MRPS35: variants seen among roughly 807,000 people sequenced by gnomAD.
The protein encoded by MRPS35 is mitochondrial ribosomal protein S35.
In MRPS35, 29 loss-of-function variants were observed where a neutral mutation model predicts 32.7. That is an observed-to-expected ratio of 0.89 (90% CI 0.66 to 1.21). The LOEUF is 1.21. Among genes scored for constraint, MRPS35 ranks in the 50% most tolerant of loss-of-function variants. The pLI is 0.00. For missense variants in MRPS35, 373 were observed against 383.8 expected (o/e 0.97, Z 0.23); for synonymous variants, 148 against 139.3 (o/e 1.06, Z -0.44).
chr12:27,732,664 A>T (rs1037135999), intron 5 of MRPS35, among the ~76,000 whole-genome samples: 1 of 152,190 alleles, frequency 6.6e-6, no homozygotes, highest in African/African-American at 2.4e-5. Context: ...AGAAAAAAAA[A>T]TTTTGATAGT....
chr12:27,749,070 G>A (rs1191891057), intron 7 of MRPS35, among the ~76,000 whole-genome samples: 2 of 152,102 alleles, frequency 1.3e-5, no homozygotes, highest in Non-Finnish European at 2.9e-5. Context: ...TTTAAAAAAC[G>A]GATTTAAGAT....
intron 7 of MRPS35, among the ~76,000 whole-genome samples, chr12:27,752,587 G>A (rs898694502): frequency 2.6e-5 from 4 of 152,050 alleles, no homozygotes; most frequent in Non-Finnish European, 5.9e-5. Flanking sequence ...TGTATTTGTC[G>A]GTTTTTTAGA....
At chr12:27,726,263 A>G (rs1290634606) in intron 5 of MRPS35, among the ~76,000 whole-genome samples, 6 of 152,062 alleles carry the variant, frequency 3.9e-5, no homozygotes, top group Non-Finnish European at 8.8e-5. Context: ...GAACCATGCA[A>G]TATGTTTTCT....
Position 27,735,572 on chromosome 12 carries a change from T to C in MRPS35, c.632+16T>C. ...AAACAGATAGGTAATGGAAAAAATG[T>C]TCAGCCGACTGGTCACGTGTGTTTC... On this transcript the variant is annotated intron_variant, in intron 6 of 7. Coordinates refer to ENST00000081029, the MANE Select transcript of MRPS35 (RefSeq NM_021821.4). 6.4e-7 allele frequency: 1 copy of C among 1,566,176 alleles called. No individual in the cohort carries two copies. The highest frequency in any genetic ancestry group is 8.8e-7 in the Non-Finnish European group (1 of 1,139,250).
chr12:27,714,946 G>C, intron 2 of MRPS35, 126 bp downstream of exon 2: 2 of 752,756 alleles, frequency 2.7e-6, no homozygotes, highest in African/African-American at 1.8e-5. Context: ...CTGGGTGATT[G>C]CCATAGCCCT....
In MRPS35 at chr12:27,719,790, T is replaced by C. The variant is rs1178932669; in HGVS notation, c.322-18T>C. ...TAAGACATTTAGCTAATTTATCTTT[T>C]AAATTTCTCTATTTAAGATTCCCAA... On this transcript the variant is annotated intron_variant, in intron 3 of 7. Transcript: ENST00000081029. The C allele has an allele frequency of 6.6e-7, 1 of 1,520,084 alleles. No individual in the cohort carries two copies. The highest frequency in any genetic ancestry group is 2.3e-5 in the East Asian group (1 of 44,336). 94.2% of individuals were successfully genotyped at this position (1,520,084 alleles called of 1,614,324 possible). A position where few individuals can be genotyped will look rare whatever the true frequency, so the allele number is the denominator to read the frequency against.
intron 3 of MRPS35, among the ~76,000 whole-genome samples, chr12:27,719,283 G>A (rs1400758210): frequency 6.6e-6 from 1 of 152,108 alleles, no homozygotes; most frequent in African/African-American, 2.4e-5. Flanking sequence ...GACAAATCCA[G>A]GTATCACTGT....
chr12:27,754,428 A>G (rs1482072900), intron 7 of MRPS35, among the ~76,000 whole-genome samples: 4 of 152,150 alleles, frequency 2.6e-5, no homozygotes, highest in African/African-American at 9.7e-5. Context: ...ATTTTTAATA[A>G]TGATCTCCTT....
intron 7 of MRPS35, among the ~76,000 whole-genome samples, chr12:27,748,998 A>T (rs949989815): frequency 6.6e-6 from 1 of 152,190 alleles, no homozygotes; most frequent in Admixed American, 6.5e-5. Flanking sequence ...TTTGAAAAGG[A>T]ATTGATAGTG....
chr12:27,715,539 G>A (rs967878982), intron 2 of MRPS35, among the ~76,000 whole-genome samples: 1 of 152,200 alleles, frequency 6.6e-6, no homozygotes, highest in African/African-American at 2.4e-5. Flanking sequence ...GAATCTAAAC[G>A]ATAAGGTCAG....
In MRPS35 at chr12:27,755,362, C is replaced by T. The variant is rs750906104; in HGVS notation, c.884C>T (p.Ser295Phe). 5.6e-6 allele frequency: 9 copies of T among 1,607,122 alleles called. No homozygotes were observed. The highest frequency in any genetic ancestry group is 2.7e-5 in the African/African-American group (2 of 74,390). ...AAAGAAATTGAAGAGTACAAAAAGT[C>T]TGTTGTTAGTCTTAAAAATGAGGAG... ...GTKEIEEYKK[S>F]VVSLKNEEEN... Residue 295 changes from serine (S) to phenylalanine (F), a missense_variant, in exon 8 of 8, where the codon TCT (serine) becomes TTT (phenylalanine). Physicochemically the swap from Ser to Phe is radical, Grantham distance 155. Transcript: ENST00000081029.
At position 27,755,291 on chromosome 12, in the gene MRPS35, T is replaced by A; in HGVS notation, c.813T>A (p.Ala271=). ...NILETLLQMK[A]AEKNMEINKE... ...TGGAAACGCTTCTCCAGATGAAAGCTGCTGAGAAAAATATGGAAATAAATA... is the reference window on the plus strand; with the variant it reads ...TGGAAACGCTTCTCCAGATGAAAGCAGCTGAGAAAAATATGGAAATAAATA... Residue 271 remains alanine, a synonymous_variant, in exon 8 of 8, where the codon GCT becomes GCA. Coordinates refer to ENST00000081029, the MANE Select transcript of MRPS35 (RefSeq NM_021821.4). 1 of 1,613,096 alleles carries A rather than the reference T, an allele frequency of 6.2e-7. No homozygotes were observed. The highest frequency in any genetic ancestry group is 2.2e-5 in the East Asian group (1 of 44,806).
chr12:27,714,653 A>T (rs879067094), intron 1 of MRPS35, 127 bp from the exon 2 acceptor site: 56 of 578,790 alleles, frequency 9.7e-5, no homozygotes, highest in Non-Finnish European at 1.5e-4. Flanking sequence ...AAAAAAAAAG[A>T]TTGTTTCATT....
intron 7 of MRPS35, among the ~76,000 whole-genome samples, chr12:27,751,124 A>AAAAAAAAAAAAAAAAAAAAAAG (rs71679053): frequency 6.8e-6 from 1 of 147,382 alleles, no homozygotes; most frequent in East Asian, 2.1e-4. Flanking sequence ...AAAAAAAAAA[A>AAAAAAAAAAAAAAAAAAAAAAG]AAGAAAAGAA....
chr12:27,728,467 G>A (rs1019114503), intron 5 of MRPS35, among the ~76,000 whole-genome samples: 1 of 152,058 alleles, frequency 6.6e-6, no homozygotes, highest in African/African-American at 2.4e-5. Flanking sequence ...ATACTTCAGT[G>A]TGTTATCTCT....
Position 27,719,666 on chromosome 12 carries a change from C to T in MRPS35, c.322-142C>T, listed in dbSNP as rs552141313. The stretch of plus-strand genomic sequence containing the variant: ...CCGGCCTGGGCGACAGAGCGAGACT[C>T]TGTCTCAAAAAAAAAAAAAAACAAA... On this transcript the variant is annotated intron_variant, in intron 3 of 7. Coordinates refer to ENST00000081029, the MANE Select transcript of MRPS35 (RefSeq NM_021821.4). The T allele has an allele frequency of 4.2e-4, 231 of 547,612 alleles. 1 individual carries two copies. In the South Asian group the frequency reaches 4.4e-3, roughly 10 times the overall value. The allele number at this position is 547,612 out of a possible 1,614,324, so 33.9% of individuals were successfully genotyped here. A position where few individuals can be genotyped will look rare whatever the true frequency, so the allele number is the denominator to read the frequency against.
intron 7 of MRPS35, among the ~76,000 whole-genome samples, chr12:27,750,571 G>A (rs1432931468): frequency 6.6e-6 from 1 of 152,190 alleles, no homozygotes; most frequent in Admixed American, 6.5e-5. Flanking sequence ...GGGAGGCCAA[G>A]GCAGGTGGAT....
intron 7 of MRPS35, among the ~76,000 whole-genome samples, chr12:27,754,952 G>A (rs1020390339): frequency 1.3e-5 from 2 of 152,054 alleles, no homozygotes; most frequent in Non-Finnish European, 2.9e-5. Context: ...CAGTGTTCAC[G>A]TGACAGAGTG....
intron 7 of MRPS35, among the ~76,000 whole-genome samples, chr12:27,750,796 C>T (rs2061998877): frequency 6.6e-6 from 1 of 151,928 alleles, no homozygotes; most frequent in South Asian, 2.1e-4. Flanking sequence ...CAGAGGGAGA[C>T]CCTGTTTCAA....
Sources: gnomAD v4.1 joint callset for allele counts (sites outside exome capture counted in the v4.1 genomes callset) on GRCh38, gnomAD v4.1.1 for gene constraint, MANE v1.5 for transcripts, NCBI Gene and HGNC (gene_info 2026-07-23, HGNC 2026-07-21) for gene names.